Variants in DHX8 observed in about 807,000 individuals in gnomAD.
DHX8 encodes DEAH-box helicase 8.
DHX8 carries 67 observed loss-of-function variants against 140.7 expected under a neutral mutation model. The ratio of observed to expected loss-of-function variants is 0.48; its 90% CI spans 0.39 to 0.58. DHX8 has a LOEUF of 0.58. DHX8 is among the 20% of genes least tolerant of loss of function. DHX8 has a pLI of 0.00. For synonymous variants in DHX8, 533 were observed against 553.2 expected (o/e 0.96, Z 0.51); for missense variants, 887 against 1,550.7 (o/e 0.57, Z 7.19).
At chr17:43,508,582 C>A in intron 16 of DHX8, 62 bp downstream of exon 16, 2 of 1,163,344 alleles carry the variant, frequency 1.7e-6, no homozygotes, top group Non-Finnish European at 2.5e-6. Context: ...TGCAGCCTGT[C>A]AGCCATAGTA....
intron 1 of DHX8, among the ~76,000 whole-genome samples, chr17:43,488,703 T>G (rs574057565): frequency 7.9e-5 from 12 of 152,262 alleles, no homozygotes; most frequent in Admixed American, 2.0e-4. Context: ...ACCCAGCAGC[T>G]GCCTGGCCCT....
intron 3 of DHX8, among the ~76,000 whole-genome samples, chr17:43,542,571 C>G (rs137980849): frequency 0.012 from 1,883 of 152,198 alleles, 27 homozygotes; most frequent in Non-Finnish European, 0.019. Context: ...CCAGGCACCC[C>G]CAAATCAGAC....
intron 17 of DHX8, among the ~76,000 whole-genome samples, chr17:43,515,968 A>G (rs1430496186): frequency 1.3e-5 from 2 of 152,098 alleles, no homozygotes; most frequent in Non-Finnish European, 2.9e-5. Flanking sequence ...CTATGGCTAA[A>G]CTACATTTTT....
At chr17:43,540,640 C>G (rs1164473365) in intron 3 of DHX8, among the ~76,000 whole-genome samples, 1 of 152,102 alleles carries the variant, frequency 6.6e-6, no homozygotes, top group Non-Finnish European at 1.5e-5. Flanking sequence ...CTCCTGGGCT[C>G]AGGTAATCCT....
At chr17:43,484,264 T>C in intron 1 of DHX8, 79 bp downstream of exon 1, 1 of 1,468,172 alleles carries the variant, frequency 6.8e-7, no homozygotes, top group Non-Finnish European at 9.4e-7. Flanking sequence ...AGAAAGGTGG[T>C]TGATGGACCG....
chr17:43,528,415 C>T, downstream of DHX8: 1 of 783,954 alleles, frequency 1.3e-6, no homozygotes, highest in Non-Finnish European at 2.0e-6. Flanking sequence ...GGATCTGCCC[C>T]AGAGACATCT....
At position 43,492,837 on chromosome 17, in the gene DHX8, T is replaced by C. The variant is rs1311825701; in HGVS notation, c.660T>C (p.Ser220=). 2 of 1,613,958 alleles carry C rather than the reference T, an allele frequency of 1.2e-6. No homozygotes were observed. Among genetic ancestry groups the C allele is most frequent in the East Asian group, 4.5e-5 (2 of 44,884 alleles). ...CCCGGGAGAGGAATAAAGTGAAGTC[T>C]AGATATCGGTCCAGGAGCAGGAGTC... The part of the protein sequence containing the change: ...SRTRERNKVK[S]RYRSRSRSQS... The change falls in exon 6 of 23, where the codon TCT becomes TCC. Residue 220 remains serine, a synonymous_variant. Coordinates refer to ENST00000262415, the MANE Select transcript of DHX8 (RefSeq NM_004941.3).
At chr17:43,506,707 G>C (rs1050166747) in intron 12 of DHX8, among the ~76,000 whole-genome samples, 2 of 151,666 alleles carry the variant, frequency 1.3e-5, no homozygotes, top group African/African-American at 4.8e-5. Flanking sequence ...TAGAAACATC[G>C]TTGATTGTAA....
downstream of DHX8, chr17:43,526,417 G>A (rs976954511): frequency 7.9e-6 from 12 of 1,528,066 alleles, no homozygotes; most frequent in South Asian, 1.2e-5. Flanking sequence ...TGTGAGCTCC[G>A]CAGCTGGGTC....
rs952097952 is a variant in DHX8 at position 43,492,810 on chromosome 17, G to T, written c.633G>T (p.Arg211Ser). The T allele has an allele frequency of 4.3e-6, 7 of 1,614,158 alleles. No individual in the cohort carries two copies. The highest frequency in any genetic ancestry group is 3.3e-4 in the Middle Eastern group (2 of 6,062). ...RHRSRSRSRS[R>S]TRERNKVKSR... is the part of the protein sequence containing the mutation. ...GATCCCGCTCTCGATCACGTTCCAG[G>T]ACCCGGGAGAGGAATAAAGTGAAGT... is the stretch of plus-strand genomic sequence containing the variant. Residue 211 changes from arginine (R) to serine (S), a missense_variant, in exon 6 of 23, where the codon AGG (arginine) becomes AGT (serine). Arg to Ser is a moderately radical substitution (Grantham distance 110). Around this residue, in one of 9 missense-constraint regions of DHX8, gnomAD observed 304 missense variants for 306.9 expected, o/e 0.99. Transcript: ENST00000262415.
At chr17:43,514,955 G>A (rs1377142571) in intron 17 of DHX8, among the ~76,000 whole-genome samples, 1 of 152,134 alleles carries the variant, frequency 6.6e-6, no homozygotes. Flanking sequence ...AATAGATGGT[G>A]AGCATTTCTT....
At chr17:43,489,583 ATGTT>A (rs751343754) in intron 2 of DHX8, 49 bp downstream of exon 2, 330 of 1,328,204 alleles carry the variant, frequency 2.5e-4, no homozygotes, top group Middle Eastern at 1.6e-3. Flanking sequence ...GTTTTAATTT[ATGTT>A]TGTTTGTTTG....
intron 16 of DHX8, among the ~76,000 whole-genome samples, chr17:43,511,995 A>G (rs13380802): frequency 0.6 from 91,706 of 151,902 alleles, 28,776 homozygotes; most frequent in African/African-American, 0.78. Context: ...ACTCCAGCCA[A>G]GGCTACAGAG....
Position 43,511,191 on chromosome 17 carries a change from G to A in DHX8, c.2503-2171G>A, listed in dbSNP as rs1230034912. On this transcript the variant is annotated intron_variant, in intron 16 of 22. Coordinates refer to ENST00000262415, the MANE Select transcript of DHX8 (RefSeq NM_004941.3). The stretch of plus-strand genomic sequence containing the variant: ...CTAAAAATACAAAAATTAGCCAGGC[G>A]TGGTGGCGGGTGCCTGTAATCCCAG... Among the ~76,000 whole-genome samples the A allele has an allele frequency of 1.4e-4, 21 of 152,178 alleles. No homozygotes were observed. The East Asian group carries it at 3.1e-3, about 23-fold the overall frequency.
At position 43,497,748 on chromosome 17, in the gene DHX8, C is replaced by T. The variant is rs75291105; in HGVS notation, c.1301-1114C>T. 6.2e-3 allele frequency among the ~76,000 whole-genome samples: 948 copies of T among 151,856 alleles called. 7 individuals are homozygous for T. Among genetic ancestry groups the T allele is most frequent in the African/African-American group, 0.02 (814 of 41,404 alleles). ...GTAGCCTGGGCAACAGAGCAACACC[C>T]TGTCTTAAAAAAAAAAAATTACTGG... is the stretch of plus-strand genomic sequence containing the variant. On this transcript the variant is annotated intron_variant, in intron 9 of 22. Coordinates refer to ENST00000262415, the MANE Select transcript of DHX8 (RefSeq NM_004941.3).
chr17:43,541,309 C>G (rs12603189), intron 3 of DHX8, among the ~76,000 whole-genome samples: 48,067 of 152,146 alleles, frequency 0.32, 7,750 homozygotes, highest in Middle Eastern at 0.34. Flanking sequence ...TACCATGTTT[C>G]GTCTTAAGTG....
intron 8 of DHX8, 86 bp from the exon 9 acceptor site, chr17:43,496,095 C>A: frequency 9.8e-7 from 1 of 1,023,958 alleles, no homozygotes; most frequent in Non-Finnish European, 1.5e-6. Context: ...AAGATCCTGT[C>A]TCAAAAAAAC....
Position 43,489,004 on chromosome 17 carries a change from G to GT in DHX8, c.149-437dup, listed in dbSNP as rs560873342. Among the ~76,000 whole-genome samples, 414 of 151,062 alleles carry GT rather than the reference G, an allele frequency of 2.7e-3. 2 individuals carry two copies. The highest frequency in any genetic ancestry group is 9.5e-3 in the African/African-American group (390 of 41,194). On this transcript the variant is annotated intron_variant, in intron 1 of 22. Coordinates refer to ENST00000262415, the MANE Select transcript of DHX8 (RefSeq NM_004941.3). ...ATTTTCTCTCTTGTTTTCTTGTTTT[G>GT]TTTTTTTTGTTTTTTTTTGAGACGG...
intron 8 of DHX8, among the ~76,000 whole-genome samples, chr17:43,494,903 C>A (rs1180184066): frequency 6.6e-6 from 1 of 150,978 alleles, no homozygotes; most frequent in Non-Finnish European, 1.5e-5. Context: ...CCTCTGCCTC[C>A]CGGGTTCAAG....
Sources: gnomAD v4.1 joint callset for allele counts (sites outside exome capture counted in the v4.1 genomes callset) on GRCh38, gnomAD v4.1.1 for gene constraint, gnomAD v4.1.1 regional missense constraint, MANE v1.5 for transcripts, NCBI Gene and HGNC (gene_info 2026-07-23, HGNC 2026-07-21) for gene names.